AUTS2: variants seen among roughly 807,000 people sequenced by gnomAD.
AUTS2 encodes autism susceptibility gene 2 protein.
Under a neutral mutation model 112.4 loss-of-function variants are expected in AUTS2, and 17 were observed. The observed-to-expected ratio is 0.15, with a 90% CI of 0.10 to 0.23. The LOEUF is 0.23. Among genes scored for constraint, AUTS2 ranks in the 10% least tolerant of loss-of-function variants. The probability of loss-of-function intolerance (pLI) is 1.00; values close to 1 mark genes in which losing one functional copy is unlikely to be tolerated. For missense variants in AUTS2, 1,510 were observed against 1,701.6 expected (o/e 0.89, Z 1.98); for synonymous variants, 751 against 702.7 (o/e 1.07, Z -1.09).
At chr7:69,725,185 T>C (rs1465738737) in intron 1 of AUTS2, among the ~76,000 whole-genome samples, 1 of 152,148 alleles carries the variant, frequency 6.6e-6, no homozygotes, top group Non-Finnish European at 1.5e-5. Context: ...GGGAGAGTAT[T>C]GGTATTAATT....
chr7:70,165,592 G>C (rs941632917), intron 4 of AUTS2, among the ~76,000 whole-genome samples: 2 of 152,112 alleles, frequency 1.3e-5, no homozygotes, highest in African/African-American at 2.4e-5. Flanking sequence ...TTAAGTCTTC[G>C]TCAGATGAAG....
intron 4 of AUTS2, among the ~76,000 whole-genome samples, chr7:70,243,231 T>TTGTGTGTGTGTGTGTG (rs3078161): frequency 7.6e-6 from 1 of 131,668 alleles, no homozygotes; most frequent in African/African-American, 2.8e-5. Flanking sequence ...GAATGTATCC[T>TTGTGTGTGTGTGTGTG]TGTGTGTGTG....
chr7:70,376,775 T>C (rs931360038), intron 4 of AUTS2, among the ~76,000 whole-genome samples: 3 of 150,580 alleles, frequency 2.0e-5, no homozygotes, highest in Non-Finnish European at 4.4e-5. Flanking sequence ...TGCTTAATTA[T>C]AGTAACAGTT....
At chr7:70,429,423 A>T (rs896321885) in intron 4 of AUTS2, among the ~76,000 whole-genome samples, 34 of 152,266 alleles carry the variant, frequency 2.2e-4, no homozygotes, top group African/African-American at 8.2e-4. Context: ...GATTCAAAAA[A>T]GGAACTGTGT....
intron 2 of AUTS2, among the ~76,000 whole-genome samples, chr7:69,953,159 G>A (rs1440784204): frequency 6.6e-6 from 1 of 152,130 alleles, no homozygotes; most frequent in Non-Finnish European, 1.5e-5. Context: ...GTCCTAAAAG[G>A]ATGGCACTTA....
At chr7:70,093,655 A>C (rs960097842) in intron 2 of AUTS2, among the ~76,000 whole-genome samples, 17 of 152,224 alleles carry the variant, frequency 1.1e-4, no homozygotes, top group Non-Finnish European at 2.2e-4. Flanking sequence ...AATGCATTTC[A>C]CACTGAGTGA....
chr7:69,892,096 T>A (rs1237470546), intron 1 of AUTS2, among the ~76,000 whole-genome samples: 1 of 148,080 alleles, frequency 6.8e-6, no homozygotes, highest in Non-Finnish European at 1.5e-5. Context: ...TGGCCCCAGA[T>A]ATCTTCTTTA....
intron 5 of AUTS2, among the ~76,000 whole-genome samples, chr7:70,495,690 TAC>T (rs1473115993): frequency 1.8e-5 from 1 of 54,372 alleles, no homozygotes; most frequent in Non-Finnish European, 3.6e-5. Flanking sequence ...ACACACCACG[TAC>T]ACAGTCACAC....
intron 2 of AUTS2, among the ~76,000 whole-genome samples, chr7:70,102,263 C>T (rs1167701200): frequency 6.6e-6 from 1 of 151,360 alleles, no homozygotes; most frequent in African/African-American, 2.4e-5. Flanking sequence ...GGACTACAGG[C>T]GCCTGCCACC....
chr7:70,785,951 G>C lies in AUTS2; in HGVS notation c.2225-4G>C. On this transcript the variant is annotated splice_region_variant and splice_polypyrimidine_tract_variant and intron_variant, in intron 16 of 18. Coordinates refer to ENST00000342771, the MANE Select transcript of AUTS2 (RefSeq NM_015570.4). ...CATTTCCTTCTTCCCCATCTTGTTTGCAGAGCCTTTTAATCGGCCGTCTAC... is the reference window on the plus strand; with the variant it reads ...CATTTCCTTCTTCCCCATCTTGTTTCCAGAGCCTTTTAATCGGCCGTCTAC... 6.2e-7 allele frequency: 1 copy of C among 1,613,740 alleles called. No homozygotes were observed. Among genetic ancestry groups the C allele is most frequent in the Non-Finnish European group, 8.5e-7 (1 of 1,179,896 alleles).
chr7:69,876,350 ATATATAT>A (rs1450014034), intron 1 of AUTS2, among the ~76,000 whole-genome samples: 63 of 26,428 alleles, frequency 2.4e-3, no homozygotes, highest in African/African-American at 6.3e-3. Flanking sequence ...AAAAAAAAAA[ATATATAT>A]ATATATATAT....
intron 4 of AUTS2, among the ~76,000 whole-genome samples, chr7:70,300,404 TAA>T (rs1443156660): frequency 2.0e-5 from 3 of 152,172 alleles, no homozygotes; most frequent in Non-Finnish European, 4.4e-5. Context: ...TCAGTCTTAA[TAA>T]AGTATTGCAG....
intron 5 of AUTS2, among the ~76,000 whole-genome samples, chr7:70,471,384 G>A (rs767684808): frequency 6.6e-6 from 1 of 152,124 alleles, no homozygotes; most frequent in African/African-American, 2.4e-5. Flanking sequence ...TAAGGACTTG[G>A]TTTTCTTTTC....
At chr7:70,181,242 T>C (rs959006493) in intron 4 of AUTS2, among the ~76,000 whole-genome samples, 2 of 152,248 alleles carry the variant, frequency 1.3e-5, no homozygotes, top group African/African-American at 4.8e-5. Flanking sequence ...ACAATGTTTC[T>C]GTGAACATGC....
At chr7:69,793,999 G>A (rs531228398) in intron 1 of AUTS2, among the ~76,000 whole-genome samples, 1 of 152,302 alleles carries the variant, frequency 6.6e-6, no homozygotes, top group South Asian at 2.1e-4. Context: ...GGAGCATGGG[G>A]CTCCTGGCAT....
chr7:70,088,417 G>A (rs144208862), intron 2 of AUTS2, among the ~76,000 whole-genome samples: 3,686 of 151,904 alleles, frequency 0.024, 60 homozygotes, highest in Non-Finnish European at 0.038. Flanking sequence ...ATGAGCCACC[G>A]TGCCTGGCCA....
chr7:70,377,330 ATATAT>A (rs1793140747), intron 4 of AUTS2, among the ~76,000 whole-genome samples: 2 of 23,114 alleles, frequency 8.7e-5, no homozygotes, highest in Non-Finnish European at 1.7e-4. Context: ...ATATAAATAT[ATATAT>A]ATATATATAT....
intron 1 of AUTS2, among the ~76,000 whole-genome samples, chr7:69,745,955 C>T (rs751615403): frequency 6.6e-6 from 1 of 152,142 alleles, no homozygotes; most frequent in Non-Finnish European, 1.5e-5. Context: ...CTCACTGCAG[C>T]CTTGAGCTCC....
At chr7:69,712,340 A>AAAGTTTCT (rs2129202899) in intron 1 of AUTS2, among the ~76,000 whole-genome samples, 1 of 152,270 alleles carries the variant, frequency 6.6e-6, no homozygotes, top group Admixed American at 6.5e-5. Context: ...CACATTTCCC[A>AAAGTTTCT]AAGTTTCTTC....
Sources: allele counts gnomAD v4.1 joint callset (sites outside exome capture counted in the v4.1 genomes callset), GRCh38; gene constraint gnomAD v4.1.1; transcripts MANE v1.5; gene names NCBI Gene and HGNC (gene_info 2026-07-23, HGNC 2026-07-21).